RBFOX1: variants seen among roughly 807,000 people sequenced by gnomAD.
RBFOX1 encodes RNA binding protein fox-1 homolog 1.
A neutral mutation model predicts 57.7 loss-of-function variants in RBFOX1; 8 were observed. That is an observed-to-expected ratio of 0.14 (90% CI 0.08 to 0.25). The LOEUF is 0.25. Among genes scored for constraint, RBFOX1 ranks in the 10% least tolerant of loss-of-function variants. RBFOX1 has a pLI of 1.00. For synonymous variants in RBFOX1, 326 were observed against 222.4 expected, an observed-to-expected ratio of 1.47 and a Z score of -4.15; for missense variants, 611 against 548.5, an observed-to-expected ratio of 1.11 and a Z score of -1.14.
intron 4 of RBFOX1, among the ~76,000 whole-genome samples, chr16:5,900,866 C>G (rs1024590985): frequency 1.3e-5 from 2 of 152,128 alleles, no homozygotes; most frequent in Non-Finnish European, 2.9e-5. Flanking sequence ...AGCCCCTATT[C>G]CAAAAAACCA....
At chr16:7,022,920 C>G (rs192090386) in intron 3 of RBFOX1, among the ~76,000 whole-genome samples, 3 of 152,194 alleles carry the variant, frequency 2.0e-5, no homozygotes, top group Non-Finnish European at 4.4e-5. Context: ...CATTGTCTCA[C>G]TCTTGAGTCT....
intron 3 of RBFOX1, among the ~76,000 whole-genome samples, chr16:6,679,578 A>G (rs894319646): frequency 6.6e-5 from 10 of 152,144 alleles, no homozygotes; most frequent in African/African-American, 2.2e-4. Flanking sequence ...AGGTAGCCTC[A>G]TTATCTTTTT....
At chr16:6,529,664 C>A (rs570456537) in intron 2 of RBFOX1, among the ~76,000 whole-genome samples, 13 of 152,038 alleles carry the variant, frequency 8.6e-5, no homozygotes, top group Non-Finnish European at 1.3e-4. Flanking sequence ...TAAGATACTA[C>A]AGGTATATTG....
intron 2 of RBFOX1, among the ~76,000 whole-genome samples, chr16:6,568,038 C>A (rs1243538725): frequency 6.6e-6 from 1 of 152,054 alleles, no homozygotes; most frequent in East Asian, 1.9e-4. Context: ...AACAGGCTGG[C>A]CTTGAACTTC....
intron 2 of RBFOX1, among the ~76,000 whole-genome samples, chr16:6,406,528 G>A (rs951673348): frequency 1.8e-4 from 27 of 151,800 alleles, no homozygotes; most frequent in African/African-American, 5.6e-4. Flanking sequence ...TTGGTCATTT[G>A]GAGGCTAGCT....
chr16:6,894,649 C>T (rs758377496), intron 3 of RBFOX1, among the ~76,000 whole-genome samples: 8 of 152,180 alleles, frequency 5.3e-5, no homozygotes, highest in African/African-American at 1.9e-4. Flanking sequence ...CACTTTATAA[C>T]AGCAGGCTAG....
At chr16:7,023,952 A>G (rs1160822156) in intron 3 of RBFOX1, among the ~76,000 whole-genome samples, 1 of 152,154 alleles carries the variant, frequency 6.6e-6, no homozygotes, top group Non-Finnish European at 1.5e-5. Context: ...TGAGGGCAAT[A>G]GCTGTCACTC....
chr16:5,739,357 G>A (rs57556705), intron 3 of RBFOX1, among the ~76,000 whole-genome samples: 2,092 of 152,310 alleles, frequency 0.014, 31 homozygotes, highest in African/African-American at 0.042. Context: ...TCAAGGCACC[G>A]GTAATACAGC....
intron 3 of RBFOX1, among the ~76,000 whole-genome samples, chr16:5,658,935 A>G (rs1002040265): frequency 6.6e-6 from 1 of 151,532 alleles, no homozygotes; most frequent in Non-Finnish European, 1.5e-5. Flanking sequence ...GGACACTTGC[A>G]TTGCTTTTAC....
chr16:6,938,604 T>C (rs369377606), intron 3 of RBFOX1, among the ~76,000 whole-genome samples: 35 of 152,110 alleles, frequency 2.3e-4, no homozygotes, highest in Middle Eastern at 3.4e-3. Context: ...CTATGTGTGG[T>C]GGATTTAGTT....
intron 2 of RBFOX1, among the ~76,000 whole-genome samples, chr16:5,497,056 G>GT (rs1321327146): frequency 1.2e-4 from 19 of 152,020 alleles, no homozygotes; most frequent in Admixed American, 5.9e-4. Context: ...TTTCACAATC[G>GT]TTTTTTATCC....
intron 3 of RBFOX1, among the ~76,000 whole-genome samples, chr16:6,898,108 C>G (rs749238404): frequency 2.0e-5 from 3 of 152,182 alleles, no homozygotes; most frequent in Non-Finnish European, 2.9e-5. Flanking sequence ...CGAGTAAATT[C>G]CACACCATAT....
intron 2 of RBFOX1, among the ~76,000 whole-genome samples, chr16:6,355,398 T>G (rs781746328): frequency 4.1e-4 from 63 of 152,130 alleles, no homozygotes; most frequent in Admixed American, 2.2e-3. Flanking sequence ...GGCTTTCTGT[T>G]GTTGTGATAG....
At chr16:7,352,223 C>G (rs949619860) in intron 4 of RBFOX1, among the ~76,000 whole-genome samples, 5 of 152,130 alleles carry the variant, frequency 3.3e-5, no homozygotes, top group Non-Finnish European at 5.9e-5. Context: ...ATTTTTCAGC[C>G]TTTCCCAAGA....
chr16:7,376,366 C>G (rs1276787309), intron 4 of RBFOX1, among the ~76,000 whole-genome samples: 1 of 152,146 alleles, frequency 6.6e-6, no homozygotes, highest in Non-Finnish European at 1.5e-5. Flanking sequence ...ATGTATGACT[C>G]AACGCAGCAT....
chr16:5,553,019 A>T, intron 2 of RBFOX1, among the ~76,000 whole-genome samples: 1 of 152,160 alleles, frequency 6.6e-6, no homozygotes, highest in East Asian at 1.9e-4. Flanking sequence ...ATTCTCAGCA[A>T]ACTGTCACAA....
rs545876986 is a variant in RBFOX1 at position 7,543,964 on chromosome 16, C to A, written c.270+25575C>A. ...TCGATCTCCTAACTTCATGACCCACCTGCCTTGGTTTCCCAAAGTGCTGGG... is the reference window on the plus strand; with the variant it reads ...TCGATCTCCTAACTTCATGACCCACATGCCTTGGTTTCCCAAAGTGCTGGG... On this transcript the variant is annotated intron_variant, in intron 5 of 15. Transcript: ENST00000550418. 1.3e-3 allele frequency among the ~76,000 whole-genome samples: 202 copies of A among 152,330 alleles called. 1 individual carries two copies. Among genetic ancestry groups the A allele is most frequent in the African/African-American group, 4.6e-3 (191 of 41,584 alleles).
intron 3 of RBFOX1, among the ~76,000 whole-genome samples, chr16:6,977,263 CT>C (rs973788226): frequency 1.3e-5 from 2 of 150,644 alleles, no homozygotes; most frequent in Middle Eastern, 3.2e-3. Flanking sequence ...CAGATTTGCT[CT>C]GCTACAAGGG....
At chr16:6,907,237 G>A (rs2070250167) in intron 3 of RBFOX1, among the ~76,000 whole-genome samples, 1 of 152,114 alleles carries the variant, frequency 6.6e-6, no homozygotes, top group Non-Finnish European at 1.5e-5. Context: ...ACAGTGCGCA[G>A]GATGGCCCCC....
Sources: gnomAD v4.1 joint callset for allele counts (sites outside exome capture counted in the v4.1 genomes callset) on GRCh38, gnomAD v4.1.1 for gene constraint, MANE v1.5 for transcripts, NCBI Gene and HGNC (gene_info 2026-07-23, HGNC 2026-07-21) for gene names.